The following CACNA1B variants were observed in gnomAD, a reference collection of about 807,000 sequenced individuals.
The protein encoded by CACNA1B is voltage-dependent N-type calcium channel subunit alpha-1B.
Under a neutral mutation model 247.2 loss-of-function variants are expected in CACNA1B, and 70 were observed. The ratio of observed to expected loss-of-function variants is 0.28; its 90% CI spans 0.23 to 0.35. The LOEUF (loss-of-function observed/expected upper bound fraction) is 0.35. CACNA1B is among the 10% of genes least tolerant of loss of function. The probability of loss-of-function intolerance (pLI) is 1.00; values close to 1 mark genes in which losing one functional copy is unlikely to be tolerated. For synonymous variants in CACNA1B, 1,231 were observed against 1,294.4 expected (o/e 0.95, Z 1.05); for missense variants, 2,367 against 3,197.4 (o/e 0.74, Z 6.26).
At chr9:138,049,797 G>A (rs557260784) in intron 24 of CACNA1B, among the ~76,000 whole-genome samples, 23 of 152,232 alleles carry the variant, frequency 1.5e-4, no homozygotes, top group Non-Finnish European at 2.9e-4. Flanking sequence ...GGCATTAGAC[G>A]TCTCCTCTGA....
Position 138,023,114 on chromosome 9 carries a change from A to T in CACNA1B, c.2371A>T (p.Met791Leu). ...RASCEALYSE[M>L]DPEERLRFAT... ...CAGCTGCGAGGCGCTGTACAGCGAG[A>T]TGGACCCCGAGGAGCGGCTGCGCTT... is the stretch of plus-strand genomic sequence containing the variant. Residue 791 changes from methionine (M) to leucine (L), a missense_variant, in exon 19 of 47, where the codon ATG becomes TTG. Around this residue, in one of 12 missense-constraint regions of CACNA1B, gnomAD observed 631 missense variants for 631.1 expected, o/e 1.00. Transcript: ENST00000371372. 2 of 1,536,126 alleles carry T rather than the reference A, an allele frequency of 1.3e-6. No homozygotes were observed. The highest frequency in any genetic ancestry group is 1.7e-6 in the Non-Finnish European group (2 of 1,148,568).
chr9:137,926,123 T>C (rs9785295), intron 6 of CACNA1B, among the ~76,000 whole-genome samples: 1,463 of 145,408 alleles, frequency 0.01, 9 homozygotes, highest in East Asian at 0.013. Context: ...GGCTGGAGTA[T>C]AGTGGCACTA....
intron 15 of CACNA1B, among the ~76,000 whole-genome samples, chr9:137,998,573 C>T (rs528540563): frequency 6.6e-6 from 1 of 152,276 alleles, no homozygotes; most frequent in South Asian, 2.1e-4. Context: ...CAGAGCGAGA[C>T]TCCGTCTCAA....
At chr9:138,080,162 A>T (rs1046397483) in intron 36 of CACNA1B, among the ~76,000 whole-genome samples, 1 of 152,194 alleles carries the variant, frequency 6.6e-6, no homozygotes, top group Non-Finnish European at 1.5e-5. Context: ...AGAAAAGTGG[A>T]TTATCCAGAT....
chr9:138,124,304 G>A lies in CACNA1B; in HGVS notation c.*2305G>A, dbSNP rs1052093785. 6.6e-6 allele frequency: 1 copy of A among 151,992 alleles called. No individual in the cohort carries two copies. Among genetic ancestry groups the A allele is most frequent in the East Asian group, 1.9e-4 (1 of 5,178 alleles). 9.4% of individuals were successfully genotyped at this position (151,992 alleles called of 1,614,324 possible). A position where few individuals can be genotyped will look rare whatever the true frequency, so the allele number is the denominator to read the frequency against. ...TATATACATATATACATATATACAA[G>A]TATGTGCATGATAATGTATATCTTC... On this transcript the variant is annotated 3_prime_UTR_variant, in exon 47 of 47. Transcript: ENST00000371372.
Position 138,118,777 on chromosome 9 carries a change from T to A in CACNA1B, c.6030+9T>A. ...TTGCGGCCGAGACTCAGGTAGGTGG[T>A]CTGGGAGGGTCCAGGCCCTGGGCTG... On this transcript the variant is annotated intron_variant, in intron 44 of 46. Coordinates refer to ENST00000371372, the MANE Select transcript of CACNA1B (RefSeq NM_000718.4). The A allele has an allele frequency of 7.5e-7, 1 of 1,325,756 alleles. No individual in the cohort carries two copies. The highest frequency in any genetic ancestry group is 1.5e-5 in the African/African-American group (1 of 68,304). The allele number at this position is 1,325,756 out of a possible 1,614,324, so 82.1% of individuals were successfully genotyped here. A position where few individuals can be genotyped will look rare whatever the true frequency, so the allele number is the denominator to read the frequency against.
intron 17 of CACNA1B, 35 bp from the exon 18 acceptor site, chr9:138,013,094 T>G (rs1326807453): frequency 6.6e-7 from 1 of 1,508,504 alleles, no homozygotes; most frequent in Admixed American, 1.7e-5. Flanking sequence ...TATAACACTG[T>G]GAGGGGAACT....
At position 138,017,280 on chromosome 9, in the gene CACNA1B, T is replaced by A. The variant is rs137860692; in HGVS notation, c.2267+4045T>A. ...GACACCTTCCTTCCACTCCTAACTC[T>A]GCTATCTCACCGCAAGTCATTTGCT... On this transcript the variant is annotated intron_variant, in intron 18 of 46. Coordinates refer to ENST00000371372, the MANE Select transcript of CACNA1B (RefSeq NM_000718.4). The A allele has an allele frequency of 2.8e-5, 14 of 494,248 alleles. No homozygotes were observed. The East Asian group carries it at 8.1e-4, about 28-fold the overall frequency. 30.6% of individuals were successfully genotyped at this position (494,248 alleles called of 1,614,324 possible). A position where few individuals can be genotyped will look rare whatever the true frequency, so the allele number is the denominator to read the frequency against.
intron 42 of CACNA1B, among the ~76,000 whole-genome samples, chr9:138,117,728 T>C (rs1473079005): frequency 1.3e-5 from 2 of 151,822 alleles, no homozygotes; most frequent in African/African-American, 4.8e-5. Flanking sequence ...TTTGGATCCA[T>C]GTCCTTTGAT....
At chr9:138,069,838 CCTGGG>C (rs1960057928) in intron 32 of CACNA1B, 75 bp downstream of exon 32, 2 of 1,333,534 alleles carry the variant, frequency 1.5e-6, no homozygotes, top group African/African-American at 2.9e-5. Flanking sequence ...CTCTCTGGTT[CCTGGG>C]ACTCCAGCCC....
At position 138,073,986 on chromosome 9, in the gene CACNA1B, C is replaced by A; in HGVS notation, c.4792-15C>A. On this transcript the variant is annotated splice_polypyrimidine_tract_variant and intron_variant, in intron 33 of 46. Coordinates refer to ENST00000371372, the MANE Select transcript of CACNA1B (RefSeq NM_000718.4). This position sits in a 1 kb window ranked among gnomAD's most constrained non-coding sequence, Gnocchi z 6.4. Reference sequence around the variant, plus strand: ...CTGGGAGGTGCCTGTAGCTGACCGGCCCCTGTCTCCGCAGGCCCTGCCCTA... The same window carrying A: ...CTGGGAGGTGCCTGTAGCTGACCGGACCCTGTCTCCGCAGGCCCTGCCCTA... 1 of 1,608,628 alleles carries A rather than the reference C, an allele frequency of 6.2e-7. No homozygotes were observed. The highest frequency in any genetic ancestry group is 8.5e-7 in the Non-Finnish European group (1 of 1,178,294).
chr9:138,003,159 A>G (rs1030384543), intron 15 of CACNA1B, among the ~76,000 whole-genome samples: 1 of 146,254 alleles, frequency 6.8e-6, no homozygotes, highest in African/African-American at 2.5e-5. Context: ...CAGCCTTGGC[A>G]ATAGAGCAAG....
rs1589075068 is a variant in CACNA1B at position 138,023,536 on chromosome 9, G to T, written c.2793G>T (p.Glu931Asp). 1.8e-6 allele frequency: 2 copies of T among 1,081,244 alleles called. No individual in the cohort carries two copies. The highest frequency in any genetic ancestry group is 2.2e-6 in the Non-Finnish European group (2 of 890,010). 67.0% of individuals were successfully genotyped at this position (1,081,244 alleles called of 1,614,324 possible). A position where few individuals can be genotyped will look rare whatever the true frequency, so the allele number is the denominator to read the frequency against. The part of the protein sequence containing the change: ...RGSPEEAAER[E>D]PRRHRAHRHQ... ...CCCCGGAGGAGGCGGCCGAGCGGGA[G>T]CCCCGACGCCACCGCGCGCACCGGC... The change falls in exon 19 of 47, where the codon GAG (glutamate) becomes GAT (aspartate). Residue 931 changes from glutamate to aspartate, a missense_variant. This residue lies in a region of CACNA1B where 631 missense variants were observed against 631.1 expected (regional missense o/e 1.00). Transcript: ENST00000371372.
chr9:138,009,626 T>C (rs1003259869), intron 16 of CACNA1B, among the ~76,000 whole-genome samples: 1 of 151,998 alleles, frequency 6.6e-6, no homozygotes, highest in Non-Finnish European at 1.5e-5. Flanking sequence ...CTTGGGGAGT[T>C]GGGAGCACAG....
Position 137,986,391 on chromosome 9 carries a change from G to C in CACNA1B, c.1770-22G>C. The C allele has an allele frequency of 6.2e-7, 1 of 1,612,728 alleles. No homozygotes were observed. The highest frequency in any genetic ancestry group is 1.1e-5 in the South Asian group (1 of 90,740). On this transcript the variant is annotated intron_variant, in intron 13 of 46. Transcript: ENST00000371372. The surrounding 1 kb of genome is among the most constrained non-coding windows in gnomAD (Gnocchi z 6.0). ...GAAGTCAGCGTCTGGAGCTGGCTCA[G>C]ACCCCCTGCCTGGCCCCGCAGGTAC...
At position 137,974,601 on chromosome 9, in the gene CACNA1B, T is replaced by A. The variant is rs568893632; in HGVS notation, c.1544-1306T>A. Among the ~76,000 whole-genome samples, 2 of 152,316 alleles carry A rather than the reference T, an allele frequency of 1.3e-5. No homozygotes were observed. The highest frequency in any genetic ancestry group is 4.1e-4 in the South Asian group (2 of 4,822). On this transcript the variant is annotated intron_variant, in intron 11 of 46. Transcript: ENST00000371372. The surrounding 1 kb of genome is among the most constrained non-coding windows in gnomAD (Gnocchi z 4.5). The stretch of plus-strand genomic sequence containing the variant: ...CCCCGACCGAGGCTGTCTGGACCTG[T>A]GCAGCACAGCCCTTGGTGGAGGAGA...
rs539074743 is a variant in CACNA1B, at chr9:138,051,720, C to T, written c.3711-372C>T. Among the ~76,000 whole-genome samples the T allele has an allele frequency of 1.4e-3, 217 of 152,242 alleles. 2 individuals are homozygous for T. The highest frequency in any genetic ancestry group is 5.1e-3 in the African/African-American group (213 of 41,534). On this transcript the variant is annotated intron_variant, in intron 24 of 46. Coordinates refer to ENST00000371372, the MANE Select transcript of CACNA1B (RefSeq NM_000718.4). The surrounding 1 kb of genome is among the most constrained non-coding windows in gnomAD (Gnocchi z 4.3). ...GAAAAAAGCCCTTCCAGAAGATTCT[C>T]GCCCTAGAAACGTGCTTGTGGGCTC...
At chr9:137,915,282 C>T (rs376719352) in intron 5 of CACNA1B, among the ~76,000 whole-genome samples, 6 of 152,172 alleles carry the variant, frequency 3.9e-5, no homozygotes, top group East Asian at 1.9e-4. Flanking sequence ...GACAGTGGAG[C>T]GCTTTGAGTG....
rs868615123 is a variant in CACNA1B at position 137,952,248 on chromosome 9, C to T, written c.967-26C>T. 1 of 1,593,214 alleles carries T rather than the reference C, an allele frequency of 6.3e-7. No individual in the cohort carries two copies. The highest frequency in any genetic ancestry group is 2.2e-5 in the East Asian group (1 of 44,764). Reference sequence around the variant, plus strand: ...GGGACTGTGTTTTGTCCCTGTCCTTCCTCATCTCCCTCTCCTTGCTTCCAG... The same window carrying T: ...GGGACTGTGTTTTGTCCCTGTCCTTTCTCATCTCCCTCTCCTTGCTTCCAG... On this transcript the variant is annotated intron_variant, in intron 6 of 46. Coordinates refer to ENST00000371372, the MANE Select transcript of CACNA1B (RefSeq NM_000718.4). The surrounding 1 kb of genome is among the most constrained non-coding windows in gnomAD (Gnocchi z 4.8).
Sources: gnomAD v4.1 joint callset for allele counts (sites outside exome capture counted in the v4.1 genomes callset) on GRCh38, gnomAD v4.1.1 for gene constraint, gnomAD v4.1.1 regional missense constraint, Gnocchi (gnomAD v3.1) non-coding constraint, MANE v1.5 for transcripts, NCBI Gene and HGNC (gene_info 2026-07-23, HGNC 2026-07-21) for gene names.